The following MAPT variants were observed in gnomAD, a reference collection of about 807,000 sequenced individuals.
The protein encoded by MAPT is microtubule-associated protein tau.
A neutral mutation model predicts 67.9 loss-of-function variants in MAPT; 34 were observed. The observed-to-expected ratio is 0.50, with a 90% CI of 0.38 to 0.67. MAPT has a LOEUF of 0.67. Ranked by LOEUF, MAPT falls within the 30% of genes least tolerant of loss-of-function variation. The pLI is 0.00. For missense variants in MAPT, 881 were observed against 1,115.2 expected (o/e 0.79, Z 2.99); for synonymous variants, 456 against 464.5 (o/e 0.98, Z 0.23).
chr17:45,909,640 G>A (rs187391368), intron 1 of MAPT, among the ~76,000 whole-genome samples: 47 of 152,304 alleles, frequency 3.1e-4, no homozygotes, highest in Admixed American at 2.3e-3. Context: ...GGGAGGCTGA[G>A]GCAGGTGGTC....
chr17:45,956,560 AT>A (rs2069686143), intron 1 of MAPT, among the ~76,000 whole-genome samples: 1 of 370 alleles, frequency 2.7e-3, no homozygotes. Context: ...ATATATATAT[AT>A]ATATATATAT....
At chr17:45,909,099 G>A (rs936049791) in intron 1 of MAPT, among the ~76,000 whole-genome samples, 2 of 152,218 alleles carry the variant, frequency 1.3e-5, no homozygotes, top group Non-Finnish European at 2.9e-5. Context: ...TTGGCACACA[G>A]CCCTGAGTGC....
Position 45,941,697 on chromosome 17 carries a change from T to G in MAPT, c.-17-20624T>G, listed in dbSNP as rs1419614227. 2.7e-3 allele frequency among the ~76,000 whole-genome samples: 172 copies of G among 64,558 alleles called. 10 individuals are homozygous for G. The highest frequency in any genetic ancestry group is 0.011 in the African/African-American group (165 of 15,278). The allele number at this position is 64,558 out of a possible 152,430, so 42.4% of individuals were successfully genotyped here. On this transcript the variant is annotated intron_variant, in intron 1 of 12. Transcript: ENST00000262410. ...CCCCTTCCCTCCTTCCTTCCTTCCT[T>G]CCTGCCTGCCTTCCTTCCTTCCTTC...
At chr17:45,913,738 C>A (rs1489421315) in intron 1 of MAPT, among the ~76,000 whole-genome samples, 1 of 152,200 alleles carries the variant, frequency 6.6e-6, no homozygotes, top group Non-Finnish European at 1.5e-5. Flanking sequence ...GGACAAGAAG[C>A]AAATGTTAAA....
intron 5 of MAPT, chr17:45,985,742 C>T (rs553215658): frequency 2.0e-6 from 2 of 985,376 alleles, no homozygotes; most frequent in South Asian, 9.4e-5. Flanking sequence ...AAACAAAGAA[C>T]ACGTGAGTCA....
chr17:46,024,419 A>T lies in MAPT; in HGVS notation c.*248A>T. The T allele has an allele frequency of 1.7e-6, 1 of 578,186 alleles. No individual in the cohort carries two copies. The highest frequency in any genetic ancestry group is 2.1e-5 in the South Asian group (1 of 47,754). The allele number at this position is 578,186 out of a possible 1,614,324, so 35.8% of individuals were successfully genotyped here. A position where few individuals can be genotyped will look rare whatever the true frequency, so the allele number is the denominator to read the frequency against. On this transcript the variant is annotated 3_prime_UTR_variant, in exon 13 of 13. Coordinates refer to ENST00000262410, the MANE Select transcript of MAPT (RefSeq NM_001377265.1). ...GGCTAGTAATAAAATATTTAAAAAAAAACATTCAAAAACATGGCCACATCC... is the reference window on the plus strand; with the variant it reads ...GGCTAGTAATAAAATATTTAAAAAATAACATTCAAAAACATGGCCACATCC...
rs1174038900 is a variant in MAPT at position 46,028,117 on chromosome 17, C to G, written c.*3946C>G. The G allele has an allele frequency of 1.4e-5, 2 of 144,360 alleles. No homozygotes were observed. Among genetic ancestry groups the G allele is most frequent in the Non-Finnish European group, 3.0e-5 (2 of 67,134 alleles). 8.9% of individuals were successfully genotyped at this position (144,360 alleles called of 1,614,324 possible). On this transcript the variant is annotated 3_prime_UTR_variant, in exon 13 of 13. Coordinates refer to ENST00000262410, the MANE Select transcript of MAPT (RefSeq NM_001377265.1). ...AGCCTCACCTCCTAATAGACTTAGC[C>G]CCATGAGTTTGCCATGTTGAGCAGG... is the stretch of plus-strand genomic sequence containing the variant.
chr17:45,982,831 G>A, intron 4 of MAPT, 35 bp from the exon 5 acceptor site: 1 of 1,196,010 alleles, frequency 8.4e-7, no homozygotes, highest in African/African-American at 1.5e-5. Context: ...ATGCGCCCTT[G>A]CTAACCTTTT....
Position 45,906,243 on chromosome 17 carries a change from G to A in MAPT, c.-18+11557G>A, listed in dbSNP as rs1425580636. Among the ~76,000 whole-genome samples the A allele has an allele frequency of 2.0e-5, 3 of 152,302 alleles. No homozygotes were observed. The East Asian group carries it at 5.8e-4, about 29-fold the overall frequency. On this transcript the variant is annotated intron_variant, in intron 1 of 12. Coordinates refer to ENST00000262410, the MANE Select transcript of MAPT (RefSeq NM_001377265.1). The surrounding 1 kb of genome is among the most constrained non-coding windows in gnomAD (Gnocchi z 4.3). ...GGACTTCCTTCTGGGCTCAAGTCAC[G>A]ACCCTTGGATGGAATTTCCTGGGAG...
In MAPT at chr17:45,983,902, G is replaced by A. The variant is rs1158170554; in HGVS notation, c.1323G>A (p.Lys441=). Reference sequence around the variant, plus strand: ...AGCCTGCTGCTGCTCCGCGGGGGAAGCCCGTCAGCCGGGTCCCTCAACTCA... The same window carrying A: ...AGCCTGCTGCTGCTCCGCGGGGGAAACCCGTCAGCCGGGTCCCTCAACTCA... ...EKQPAAAPRG[K]PVSRVPQLKA... The change falls in exon 5 of 13, where the codon AAG becomes AAA. Residue 441 remains lysine (K), a synonymous_variant. Transcript: ENST00000262410. 1.3e-6 allele frequency: 2 copies of A among 1,581,622 alleles called. No homozygotes were observed. Among genetic ancestry groups the A allele is most frequent in the African/African-American group, 1.4e-5 (1 of 72,926 alleles).
In MAPT at chr17:45,974,178, G is replaced by A. The variant is rs2145503540; in HGVS notation, c.220+2233G>A. Reference sequence around the variant, plus strand: ...CTGGTGGATGAGCTGGGCGGTTCATGAGCCAGAACCACTCAGCAGCATGTC... The same window carrying A: ...CTGGTGGATGAGCTGGGCGGTTCATAAGCCAGAACCACTCAGCAGCATGTC... On this transcript the variant is annotated intron_variant, in intron 3 of 12. Transcript: ENST00000262410. The A allele has an allele frequency of 5.0e-6, 3 of 599,074 alleles. 1 individual carries two copies. In the South Asian group the frequency reaches 5.8e-5, roughly 11 times the overall value. The allele number at this position is 599,074 out of a possible 1,614,324, so 37.1% of individuals were successfully genotyped here.
At chr17:45,919,347 G>T (rs2065477577) in intron 1 of MAPT, among the ~76,000 whole-genome samples, 2 of 146,958 alleles carry the variant, frequency 1.4e-5, no homozygotes, top group African/African-American at 4.9e-5. Flanking sequence ...CAGAGGAAGG[G>T]GCGCCCCCCC....
Position 46,010,463 on chromosome 17 carries a change from G to A in MAPT, c.2091+61G>A. The A allele has an allele frequency of 8.6e-7, 1 of 1,162,594 alleles. No homozygotes were observed. Among genetic ancestry groups the A allele is most frequent in the Non-Finnish European group, 1.3e-6 (1 of 791,696 alleles). The allele number at this position is 1,162,594 out of a possible 1,614,324, so 72.0% of individuals were successfully genotyped here. On this transcript the variant is annotated intron_variant, in intron 10 of 12. Transcript: ENST00000262410. This position sits in a 1 kb window ranked among gnomAD's most constrained non-coding sequence, Gnocchi z 4.7. ...GGCTTGAATTATTAGGAAGTGGTGT[G>A]AGTGCGTACACTTGCGAGACACTGC...
chr17:46,000,872 C>T (rs1052577314), intron 9 of MAPT, among the ~76,000 whole-genome samples: 4 of 152,364 alleles, frequency 2.6e-5, no homozygotes, highest in African/African-American at 4.8e-5. Flanking sequence ...AGCTCATCCC[C>T]GCCCTGTTTG....
At chr17:45,973,972 G>T (rs903933006) in intron 3 of MAPT, 26 of 197,590 alleles carry the variant, frequency 1.3e-4, no homozygotes, top group African/African-American at 6.0e-4. Flanking sequence ...CCAAGGACTT[G>T]CCCAAAGCCT....
intron 1 of MAPT, among the ~76,000 whole-genome samples, chr17:45,918,224 T>C (rs2065377658): frequency 2.6e-5 from 4 of 152,264 alleles, no homozygotes; most frequent in Admixed American, 2.6e-4. Flanking sequence ...TGGTCTGTTC[T>C]TGGCCACTGA....
intron 9 of MAPT, among the ~76,000 whole-genome samples, chr17:45,998,673 T>G (rs189552589): frequency 6.6e-6 from 1 of 152,276 alleles, no homozygotes; most frequent in Admixed American, 6.5e-5. Context: ...GTTAGAGACC[T>G]TGGGGAAATA....
chr17:45,909,860 ACT>A (rs1435959092), intron 1 of MAPT, among the ~76,000 whole-genome samples: 8 of 110,696 alleles, frequency 7.2e-5, no homozygotes, highest in Non-Finnish European at 1.4e-4. Flanking sequence ...ACAGAGCAAG[ACT>A]CTGTCTCAAA....
intron 6 of MAPT, 62 bp from the exon 7 acceptor site, chr17:45,989,816 A>C: frequency 1.4e-6 from 2 of 1,439,500 alleles, no homozygotes; most frequent in African/African-American, 1.4e-5. Flanking sequence ...TCCTTTTTTC[A>C]GTTTGTTTCC....
Sources: gnomAD v4.1 joint callset for allele counts (sites outside exome capture counted in the v4.1 genomes callset) on GRCh38, gnomAD v4.1.1 for gene constraint, Gnocchi (gnomAD v3.1) non-coding constraint, MANE v1.5 for transcripts, NCBI Gene and HGNC (gene_info 2026-07-23, HGNC 2026-07-21) for gene names.